XRCC2: variants seen among roughly 807,000 people sequenced by gnomAD.
XRCC2 encodes X-ray repair cross complementing 2.
In XRCC2, 24 loss-of-function variants were observed where a neutral mutation model predicts 27.3. The observed-to-expected ratio is 0.88, with a 90% CI of 0.64 to 1.24. The LOEUF (loss-of-function observed/expected upper bound fraction) is 1.24. Ranked by LOEUF, XRCC2 falls within the 50% of genes most tolerant of loss-of-function variation. The probability of loss-of-function intolerance (pLI) is 0.00; values close to 1 mark genes in which losing one functional copy is unlikely to be tolerated. For synonymous variants in XRCC2, 106 were observed against 115.4 expected, an observed-to-expected ratio of 0.92 and a Z score of 0.52; for missense variants, 321 against 325.8, an observed-to-expected ratio of 0.99 and a Z score of 0.11.
chr7:152,652,805 A>G (rs2098029098), intron 2 of XRCC2, among the ~76,000 whole-genome samples: 1 of 152,224 alleles, frequency 6.6e-6, no homozygotes, highest in Non-Finnish European at 1.5e-5. Context: ...CTAAAAGCCA[A>G]TTGTGAAACT....
chr7:152,647,884 T>C lies in XRCC2; in HGVS notation c.*758A>G, dbSNP rs1237509984. 1 of 152,216 alleles carries C rather than the reference T, an allele frequency of 6.6e-6. No individual in the cohort carries two copies. Among genetic ancestry groups the C allele is most frequent in the African/African-American group, 2.4e-5 (1 of 41,462 alleles). The allele number at this position is 152,216 out of a possible 1,614,324, so 9.4% of individuals were successfully genotyped here. On this transcript the variant is annotated 3_prime_UTR_variant, in exon 3 of 3. Transcript: ENST00000359321. ...GGATTGCCTTACTATCAATATTTCT[T>C]TAGATTTACTCAAGTACTTACCATT...
At chr7:152,669,826 C>G (rs1011776051) in intron 1 of XRCC2, among the ~76,000 whole-genome samples, 1 of 149,124 alleles carries the variant, frequency 6.7e-6, no homozygotes, top group Non-Finnish European at 1.5e-5. Flanking sequence ...GGCCAGGCAT[C>G]GTGGCTCATG....
Position 152,651,039 on chromosome 7 carries a change from A to G in XRCC2, c.122-1676T>C, listed in dbSNP as rs192766169. ...ACTGCAACTTTCGCCTCCTGGGTTC[A>G]AGCAATTCTCCTGCCTCAGCCTCCC... On this transcript the variant is annotated intron_variant, in intron 2 of 2. Transcript: ENST00000359321. Among the ~76,000 whole-genome samples, 1,174 of 152,142 alleles carry G rather than the reference A, an allele frequency of 7.7e-3. 16 individuals carry two copies. Among genetic ancestry groups the G allele is most frequent in the African/African-American group, 0.026 (1,099 of 41,532 alleles).
intron 1 of XRCC2, among the ~76,000 whole-genome samples, chr7:152,671,815 G>T (rs1301292567): frequency 1.3e-5 from 2 of 152,188 alleles, no homozygotes; most frequent in African/African-American, 2.4e-5. Context: ...GCCAAGGCAG[G>T]TGAATCACTT....
intron 2 of XRCC2, among the ~76,000 whole-genome samples, chr7:152,653,856 T>C (rs1292055931): frequency 6.6e-6 from 1 of 152,138 alleles, no homozygotes; most frequent in Admixed American, 6.6e-5. Flanking sequence ...ATGTTATCTC[T>C]AGGTGTCACA....
At chr7:152,664,334 G>A (rs1421236722) in intron 1 of XRCC2, among the ~76,000 whole-genome samples, 1 of 152,150 alleles carries the variant, frequency 6.6e-6, no homozygotes, top group Non-Finnish European at 1.5e-5. Context: ...GTTAAGAGAT[G>A]CCCAAATAGC....
intron 2 of XRCC2, among the ~76,000 whole-genome samples, chr7:152,658,275 C>T (rs972366014): frequency 1.3e-5 from 2 of 152,078 alleles, no homozygotes; most frequent in South Asian, 2.1e-4. Context: ...CTCAGCCTCC[C>T]GAGTAGCTGG....
chr7:152,664,973 A>C (rs1271157528), intron 1 of XRCC2, among the ~76,000 whole-genome samples: 3 of 151,646 alleles, frequency 2.0e-5, no homozygotes, highest in Admixed American at 6.6e-5. Context: ...TGGGAGCACT[A>C]GACCAGTACG....
At chr7:152,670,758 C>A (rs1395526186) in intron 1 of XRCC2, among the ~76,000 whole-genome samples, 1 of 152,066 alleles carries the variant, frequency 6.6e-6, no homozygotes, top group Non-Finnish European at 1.5e-5. Flanking sequence ...TGCCACCATG[C>A]CCGGTAATTT....
chr7:152,674,705 TTATATA>T (rs1227627996), intron 1 of XRCC2, among the ~76,000 whole-genome samples: 1 of 20,696 alleles, frequency 4.8e-5, no homozygotes, highest in Non-Finnish European at 8.2e-5. Context: ...AAATATATAT[TTATATA>T]ATATATTTTT....
chr7:152,654,914 TCA>T, intron 2 of XRCC2, among the ~76,000 whole-genome samples: 1 of 152,324 alleles, frequency 6.6e-6, no homozygotes, highest in South Asian at 2.1e-4. Context: ...TGAACTGAAA[TCA>T]GTTTTACTGA....
At position 152,648,958 on chromosome 7, in the gene XRCC2, CAT is replaced by C; in HGVS notation, c.525_526del (p.Cys176PhefsTer10). On this transcript the variant is annotated frameshift_variant, in exon 3 of 3. Transcript: ENST00000359321. LOFTEE classifies it high-confidence loss of function. Reference sequence around the variant, plus strand: ...TACAAGCTTCTCTAAGCACTGAGAACATTTCCTCAGAGTAGACTCCTGTAAGT... The same window carrying C: ...TACAAGCTTCTCTAAGCACTGAGAACTTCCTCAGAGTAGACTCCTGTAAGT... 6.2e-7 allele frequency: 1 copy of C among 1,614,216 alleles called. No homozygotes were observed. The highest frequency in any genetic ancestry group is 1.7e-5 in the Admixed American group (1 of 60,014).
chr7:152,650,680 C>G (rs895194642), intron 2 of XRCC2, among the ~76,000 whole-genome samples: 25 of 152,208 alleles, frequency 1.6e-4, no homozygotes, highest in Non-Finnish European at 2.5e-4. Context: ...CACCTGAGGT[C>G]AGGAATTCAA....
chr7:152,676,015 C>T (rs946634917), intron 1 of XRCC2, 26 bp downstream of exon 1: 44 of 1,613,408 alleles, frequency 2.7e-5, no homozygotes, highest in Non-Finnish European at 3.6e-5. Context: ...TCCCATCTCC[C>T]TCACTCCCAA....
At chr7:152,667,427 G>A (rs7811636) in intron 1 of XRCC2, among the ~76,000 whole-genome samples, 75,737 of 106,080 alleles carry the variant, frequency 0.71, 28,751 homozygotes, top group Non-Finnish European at 0.77. Flanking sequence ...AAAAAAAAAA[G>A]AAAAAAAGTA....
intron 1 of XRCC2, among the ~76,000 whole-genome samples, chr7:152,664,288 G>T (rs920669145): frequency 3.2e-4 from 49 of 152,158 alleles, no homozygotes; most frequent in African/African-American, 9.7e-4. Context: ...CCTGAAGGTG[G>T]CTGTGATAGT....
chr7:152,649,008 G>A lies in XRCC2; in HGVS notation c.477C>T (p.Arg159=), dbSNP rs202226401. The change falls in exon 3 of 3, where the codon CGC becomes CGT. Residue 159 remains arginine, a synonymous_variant. Coordinates refer to ENST00000359321, the MANE Select transcript of XRCC2 (RefSeq NM_005431.2). ...DSLSAFYWID[R]VNGGESVNLQ... Reference sequence around the variant, plus strand: ...AGTTCACACTTTCTCCTCCATTGACGCGGTCTATCCAGTAAAAAGCTGACA... The same window carrying A: ...AGTTCACACTTTCTCCTCCATTGACACGGTCTATCCAGTAAAAAGCTGACA... The A allele has an allele frequency of 6.5e-5, 105 of 1,613,970 alleles. No individual in the cohort carries two copies. Among genetic ancestry groups the A allele is most frequent in the Middle Eastern group, 1.6e-4 (1 of 6,082 alleles).
intron 1 of XRCC2, among the ~76,000 whole-genome samples, chr7:152,667,694 GA>G (rs556134934): frequency 3.3e-4 from 50 of 152,034 alleles, no homozygotes; most frequent in Middle Eastern, 3.4e-3. Flanking sequence ...ACAAGTAATG[GA>G]TAATATTAAC....
intron 2 of XRCC2, among the ~76,000 whole-genome samples, chr7:152,660,109 G>A (rs2098032442): frequency 6.6e-6 from 1 of 152,212 alleles, no homozygotes; most frequent in Non-Finnish European, 1.5e-5. Context: ...TCCATAGTTA[G>A]AAAGTAGATT....
Sources: allele counts gnomAD v4.1 joint callset (sites outside exome capture counted in the v4.1 genomes callset), GRCh38; gene constraint gnomAD v4.1.1; transcripts MANE v1.5; gene names NCBI Gene and HGNC (gene_info 2026-07-23, HGNC 2026-07-21).